The following MYH10 variants were observed in gnomAD, a reference collection of about 807,000 sequenced individuals.
The protein encoded by MYH10 is myosin-10.
MYH10 carries 55 observed loss-of-function variants against 257.8 expected under a neutral mutation model. The observed-to-expected ratio is 0.21, with a 90% CI of 0.17 to 0.27. MYH10 has a LOEUF of 0.27. Among genes scored for constraint, MYH10 ranks in the 10% least tolerant of loss-of-function variants. MYH10 has a pLI of 1.00. For synonymous variants in MYH10, 854 were observed against 921.7 expected, an observed-to-expected ratio of 0.93 and a Z score of 1.33; for missense variants, 1,631 against 2,500.6, an observed-to-expected ratio of 0.65 and a Z score of 7.42.
At chr17:8,514,921 ATC>A (rs1210558324) in intron 21 of MYH10, among the ~76,000 whole-genome samples, 1 of 152,120 alleles carries the variant, frequency 6.6e-6, no homozygotes, top group African/African-American at 2.4e-5. Flanking sequence ...ACTACTGGAC[ATC>A]TCATCCCTGC....
rs760246760 is a variant in MYH10, at chr17:8,604,781, AT to A, written c.502+44del. On this transcript the variant is annotated intron_variant, in intron 3 of 42. Coordinates refer to ENST00000360416, the MANE Select transcript of MYH10 (RefSeq NM_001256012.3). Reference sequence around the variant, plus strand: ...GAGACATTAAAAAACAGTAAATTACATTTAAGAAATTCTGAGCATTTAGTAT... The same window carrying A: ...GAGACATTAAAAAACAGTAAATTACATTAAGAAATTCTGAGCATTTAGTAT... 2.3e-6 allele frequency: 3 copies of A among 1,328,312 alleles called. No individual in the cohort carries two copies. The Admixed American group carries it at 8.1e-5, about 36-fold the overall frequency. 82.3% of individuals were successfully genotyped at this position (1,328,312 alleles called of 1,614,324 possible). A position where few individuals can be genotyped will look rare whatever the true frequency, so the allele number is the denominator to read the frequency against.
intron 13 of MYH10, among the ~76,000 whole-genome samples, chr17:8,544,089 T>C (rs1163479537): frequency 6.6e-6 from 1 of 152,242 alleles, no homozygotes; most frequent in East Asian, 1.9e-4. Flanking sequence ...GCCCATTCTT[T>C]ATAATGGATG....
chr17:8,540,262 T>C (rs7224197), intron 14 of MYH10, among the ~76,000 whole-genome samples: 61,865 of 152,026 alleles, frequency 0.41, 12,586 homozygotes, highest in East Asian at 0.5. Flanking sequence ...CCCAAAGTAC[T>C]GGGATTATAG....
chr17:8,518,864 G>C lies in MYH10; in HGVS notation c.2343+17C>G, dbSNP rs1188118440. 6.2e-7 allele frequency: 1 copy of C among 1,603,138 alleles called. No homozygotes were observed. On this transcript the variant is annotated intron_variant, in intron 20 of 42. Transcript: ENST00000360416. ...AGATTAAATCTACAAGCCAGAAAAAGATCAAGAAAACCTTACCATTCGTTC... is the reference window on the plus strand; with the variant it reads ...AGATTAAATCTACAAGCCAGAAAAACATCAAGAAAACCTTACCATTCGTTC...
intron 35 of MYH10, among the ~76,000 whole-genome samples, chr17:8,488,696 GGA>G (rs1300253453): frequency 3.9e-5 from 6 of 152,156 alleles, no homozygotes; most frequent in African/African-American, 1.4e-4. Flanking sequence ...TCTCCAAAGG[GGA>G]GAAACAAGGC....
Position 8,584,344 on chromosome 17 carries a change from G to A in MYH10, c.530+4737C>T, listed in dbSNP as rs535259567. Among the ~76,000 whole-genome samples the A allele has an allele frequency of 1.3e-3, 192 of 152,328 alleles. 1 individual carries two copies. Among genetic ancestry groups the A allele is most frequent in the South Asian group, 5.8e-3 (28 of 4,830 alleles). Reference sequence around the variant, plus strand: ...AAAGTGAAATGCTGACCTAAAGGAAGATGCTGAGGCAAAATTAATATAGAA... The same window carrying A: ...AAAGTGAAATGCTGACCTAAAGGAAAATGCTGAGGCAAAATTAATATAGAA... On this transcript the variant is annotated intron_variant, in intron 4 of 42. Transcript: ENST00000360416.
chr17:8,587,944 C>T (rs2083971042), intron 4 of MYH10, among the ~76,000 whole-genome samples: 1 of 152,076 alleles, frequency 6.6e-6, no homozygotes. Flanking sequence ...CTCCAGCACC[C>T]TCCACTCTCT....
intron 2 of MYH10, among the ~76,000 whole-genome samples, chr17:8,617,439 A>G (rs992546244): frequency 5.3e-5 from 8 of 152,096 alleles, no homozygotes; most frequent in Non-Finnish European, 8.8e-5. Flanking sequence ...GTCCTCATTT[A>G]TTTTTTAAAC....
intron 2 of MYH10, among the ~76,000 whole-genome samples, chr17:8,610,271 C>CAAAAAAAAAAAAAA (rs71361810): frequency 0.097 from 4,447 of 45,884 alleles, 1,261 homozygotes; most frequent in Admixed American, 0.13. Context: ...CATAGGATTG[C>CAAAAAAAAAAAAAA]AAAAAAAAAA....
At position 8,592,933 on chromosome 17, in the gene MYH10, C is replaced by CCACATATATATATATATATATATA. The variant is rs1555612260; in HGVS notation, c.503-3826_503-3825insTATATATATATATATATATATGTG. Among the ~76,000 whole-genome samples the CCACATATATATATATATATATATA allele has an allele frequency of 6.7e-5, 3 of 44,746 alleles. 1 individual carries two copies. The highest frequency in any genetic ancestry group is 9.9e-4 in the East Asian group (1 of 1,010). The allele number at this position is 44,746 out of a possible 152,430, so 29.4% of individuals were successfully genotyped here. A position where few individuals can be genotyped will look rare whatever the true frequency, so the allele number is the denominator to read the frequency against. ...CAAAATGTTGGTAAATCAAATCCAG[C>CCACATATATATATATATATATATA]TATATATATATATATATATATATAT... On this transcript the variant is annotated intron_variant, in intron 3 of 42. Transcript: ENST00000360416.
chr17:8,528,668 C>G (rs1296348379), intron 17 of MYH10, among the ~76,000 whole-genome samples: 2 of 152,164 alleles, frequency 1.3e-5, no homozygotes, highest in Non-Finnish European at 2.9e-5. Flanking sequence ...CATATGTCAG[C>G]ACGTCACAGG....
intron 2 of MYH10, 97 bp downstream of exon 2, chr17:8,622,805 T>C (rs2085519772): frequency 7.6e-7 from 1 of 1,321,996 alleles, no homozygotes; most frequent in Non-Finnish European, 1.0e-6. Flanking sequence ...AACAGAGAGT[T>C]TGGGTATTCC....
intron 33 of MYH10, 75 bp from the exon 34 acceptor site, chr17:8,492,584 A>T: frequency 7.1e-7 from 1 of 1,417,310 alleles, no homozygotes; most frequent in Non-Finnish European, 9.5e-7. Flanking sequence ...CATGTGGCTG[A>T]TTTATCGCTA....
chr17:8,484,663 G>A (rs904493648), intron 36 of MYH10, among the ~76,000 whole-genome samples: 2 of 152,334 alleles, frequency 1.3e-5, no homozygotes, highest in Middle Eastern at 3.4e-3. Context: ...TCTGAGGAAT[G>A]CAAGGTTGGT....
chr17:8,623,505 C>CAA (rs919999970), intron 1 of MYH10: 6 of 240,034 alleles, frequency 2.5e-5, no homozygotes, highest in African/African-American at 1.5e-4. Context: ...TTACTGAGGG[C>CAA]AAAAAAAAGA....
chr17:8,581,166 G>A (rs1038640922), intron 4 of MYH10, among the ~76,000 whole-genome samples: 1 of 152,050 alleles, frequency 6.6e-6, no homozygotes, highest in African/African-American at 2.4e-5. Context: ...AGGAAGGGGA[G>A]GGGTGCCATG....
At chr17:8,561,989 A>G (rs2083013624) in intron 7 of MYH10, among the ~76,000 whole-genome samples, 1 of 152,240 alleles carries the variant, frequency 6.6e-6, no homozygotes, top group Non-Finnish European at 1.5e-5. Context: ...TTCTGAAAAT[A>G]TATTTGGTAA....
At chr17:8,610,091 A>C (rs938448699) in intron 2 of MYH10, among the ~76,000 whole-genome samples, 7 of 151,714 alleles carry the variant, frequency 4.6e-5, no homozygotes, top group African/African-American at 1.7e-4. Context: ...AGATGAGGCC[A>C]CTCCTCATGC....
In MYH10 at chr17:8,474,809, A is replaced by C. The variant is rs1272498028; in HGVS notation, c.*995T>G. ...CCCACTGGCATGTCAACATTCAGGA[A>C]GATGGCATCTGTTCTGGAGGCTCCA... On this transcript the variant is annotated 3_prime_UTR_variant, in exon 43 of 43. Coordinates refer to ENST00000360416, the MANE Select transcript of MYH10 (RefSeq NM_001256012.3). 6.5e-6 allele frequency: 1 copy of C among 152,788 alleles called. No individual in the cohort carries two copies. Among genetic ancestry groups the C allele is most frequent in the Non-Finnish European group, 1.5e-5 (1 of 68,116 alleles). 9.5% of individuals were successfully genotyped at this position (152,788 alleles called of 1,614,324 possible). A position where few individuals can be genotyped will look rare whatever the true frequency, so the allele number is the denominator to read the frequency against.
Sources: gnomAD v4.1 joint callset for allele counts (sites outside exome capture counted in the v4.1 genomes callset) on GRCh38, gnomAD v4.1.1 for gene constraint, MANE v1.5 for transcripts, NCBI Gene and HGNC (gene_info 2026-07-23, HGNC 2026-07-21) for gene names.